GRIA4: variants seen among roughly 807,000 people sequenced by gnomAD.
GRIA4 encodes the protein glutamate receptor 4.
In GRIA4, 34 loss-of-function variants were observed where a neutral mutation model predicts 104.0. The observed-to-expected ratio is 0.33, with a 90% CI of 0.25 to 0.44. The LOEUF (loss-of-function observed/expected upper bound fraction) is 0.44, where lower values mean the gene tolerates loss of function less well. GRIA4 is among the 20% of genes least tolerant of loss of function. The probability of loss-of-function intolerance (pLI) is 1.00; values close to 1 mark genes in which losing one functional copy is unlikely to be tolerated. For missense variants in GRIA4, 750 were observed against 1,096.5 expected (o/e 0.68, Z 4.46); for synonymous variants, 386 against 381.9 (o/e 1.01, Z -0.13).
intron 5 of GRIA4, among the ~76,000 whole-genome samples, chr11:105,882,191 C>T (rs1288373432): frequency 1.3e-5 from 2 of 152,104 alleles, no homozygotes; most frequent in Non-Finnish European, 2.9e-5. Context: ...ATATGTTGTG[C>T]CATTTTCTCC....
At chr11:105,816,336 G>T (rs368669457) in intron 4 of GRIA4, among the ~76,000 whole-genome samples, 205 of 152,290 alleles carry the variant, frequency 1.3e-3, no homozygotes, top group African/African-American at 4.6e-3. Flanking sequence ...ATTGGATCAT[G>T]GGAGTAGATT....
chr11:105,841,163 T>C (rs1352616329), intron 4 of GRIA4, among the ~76,000 whole-genome samples: 1 of 151,898 alleles, frequency 6.6e-6, no homozygotes, highest in Non-Finnish European at 1.5e-5. Flanking sequence ...ATATGTTTCA[T>C]CACTGAAAAA....
rs1302646384 is a variant in GRIA4 at position 105,611,066 on chromosome 11, T to C, written c.69T>C (p.Phe23=). 1 of 1,613,098 alleles carries C rather than the reference T, an allele frequency of 6.2e-7. No individual in the cohort carries two copies. Among genetic ancestry groups the C allele is most frequent in the African/African-American group, 1.3e-5 (1 of 74,838 alleles). Residue 23 remains phenylalanine (F), a synonymous_variant, in exon 2 of 17, where the codon TTT becomes TTC. Transcript: ENST00000282499. ...TTTGGGGACTCGCCATGGGAGCCTT[T>C]CCGAGCAGCGTGCAAATAGGTAAGG... is the stretch of plus-strand genomic sequence containing the variant. ...SGFWGLAMGA[F]PSSVQIGGLF...
intron 3 of GRIA4, 115 bp from the exon 4 acceptor site, chr11:105,752,866 T>C (rs907344254): frequency 1.1e-6 from 1 of 936,796 alleles, no homozygotes; most frequent in Non-Finnish European, 1.6e-6. Flanking sequence ...CTTATACTCC[T>C]GACAGATCCA....
At chr11:105,770,794 T>A (rs2155040) in intron 4 of GRIA4, among the ~76,000 whole-genome samples, 1 of 151,796 alleles carries the variant, frequency 6.6e-6, no homozygotes, top group East Asian at 1.9e-4. Context: ...TAATTCTCTA[T>A]GGATTAGCCT....
Position 105,661,923 on chromosome 11 carries a change from C to T in GRIA4, c.247+49489C>T, listed in dbSNP as rs992693549. 1.3e-5 allele frequency among the ~76,000 whole-genome samples: 2 copies of T among 151,432 alleles called. 1 individual carries two copies. The highest frequency in any genetic ancestry group is 1.3e-4 in the Admixed American group (2 of 15,108). ...TATGAGGAAAGGAAATTTAAAATGA[C>T]TATATTTTTTCCACACAACCACTAA... On this transcript the variant is annotated intron_variant, in intron 3 of 16. Transcript: ENST00000282499.
At chr11:105,879,505 T>A (rs1945967356) in intron 5 of GRIA4, among the ~76,000 whole-genome samples, 1 of 152,186 alleles carries the variant, frequency 6.6e-6, no homozygotes, top group African/African-American at 2.4e-5. Context: ...TACACAAAAA[T>A]AAATCCAAGT....
At chr11:105,797,570 C>G (rs972003911) in intron 4 of GRIA4, among the ~76,000 whole-genome samples, 1 of 152,190 alleles carries the variant, frequency 6.6e-6, no homozygotes, top group African/African-American at 2.4e-5. Context: ...AATTTCACCT[C>G]TAATTCATTC....
At chr11:105,630,907 CCTCT>C (rs1951019954) in intron 3 of GRIA4, among the ~76,000 whole-genome samples, 1 of 152,056 alleles carries the variant, frequency 6.6e-6, no homozygotes, top group Admixed American at 6.6e-5. Flanking sequence ...CTCCATCCTC[CCTCT>C]GAGTTCTTAT....
At chr11:105,898,520 A>T (rs1366599275) in intron 7 of GRIA4, 93 bp downstream of exon 7, 7 of 773,000 alleles carry the variant, frequency 9.1e-6, no homozygotes, top group Non-Finnish European at 1.3e-5. Context: ...CATTTTGCCA[A>T]ACATAGTATG....
chr11:105,695,950 G>T (rs1461872017), intron 3 of GRIA4, among the ~76,000 whole-genome samples: 1 of 152,042 alleles, frequency 6.6e-6, no homozygotes, highest in Non-Finnish European at 1.5e-5. Context: ...GTCTGTAAAA[G>T]GTCCTCATCC....
chr11:105,686,023 G>A (rs1289891527), intron 3 of GRIA4, among the ~76,000 whole-genome samples: 1 of 151,854 alleles, frequency 6.6e-6, no homozygotes, highest in Non-Finnish European at 1.5e-5. Context: ...CTACTATAGA[G>A]GAATGCAATA....
At chr11:105,675,247 G>T (rs1021113881) in intron 3 of GRIA4, among the ~76,000 whole-genome samples, 1 of 151,778 alleles carries the variant, frequency 6.6e-6, no homozygotes, top group Admixed American at 6.6e-5. Flanking sequence ...CTTCGTAAAA[G>T]ACTAACATTT....
intron 4 of GRIA4, among the ~76,000 whole-genome samples, chr11:105,813,943 AG>A (rs1363382016): frequency 1.3e-5 from 2 of 152,218 alleles, no homozygotes; most frequent in Non-Finnish European, 2.9e-5. Flanking sequence ...CCTGTCTTTC[AG>A]GTGATATTTC....
rs903025944 is a variant in GRIA4 at position 105,944,830 on chromosome 11, C to A, written c.2294+10861C>A. On this transcript the variant is annotated intron_variant, in intron 14 of 16. Transcript: ENST00000282499. ...TTCTCTCCAAATTCACAGAATCCTA[C>A]TTAGAGACAAATTAAGAAAAAAAAA... Among the ~76,000 whole-genome samples, 7 of 151,928 alleles carry A rather than the reference C, an allele frequency of 4.6e-5. No individual in the cohort carries two copies. In the East Asian group the frequency reaches 1.4e-3, roughly 29 times the overall value.
At chr11:105,659,445 G>T (rs1037784115) in intron 3 of GRIA4, among the ~76,000 whole-genome samples, 6 of 151,874 alleles carry the variant, frequency 4.0e-5, no homozygotes, top group Admixed American at 6.6e-5. Context: ...ACCTGGAATT[G>T]CCACAGTTAT....
intron 4 of GRIA4, among the ~76,000 whole-genome samples, chr11:105,818,238 A>T (rs1156833427): frequency 6.6e-6 from 1 of 152,084 alleles, no homozygotes; most frequent in Non-Finnish European, 1.5e-5. Flanking sequence ...TGGTTTGAAG[A>T]CTAATGAGCT....
At chr11:105,824,393 T>A (rs895813924) in intron 4 of GRIA4, among the ~76,000 whole-genome samples, 4 of 150,096 alleles carry the variant, frequency 2.7e-5, no homozygotes, top group African/African-American at 9.7e-5. Context: ...TCTGACTTCC[T>A]ACTATGGAAG....
At chr11:105,753,349 T>C (rs1226259957) in intron 4 of GRIA4, 129 bp downstream of exon 4, 4 of 827,268 alleles carry the variant, frequency 4.8e-6, no homozygotes, top group African/African-American at 3.4e-5. Flanking sequence ...GGTTGATGTG[T>C]ATTTTTATCT....
Sources: gnomAD v4.1 joint callset for allele counts (sites outside exome capture counted in the v4.1 genomes callset) on GRCh38, gnomAD v4.1.1 for gene constraint, MANE v1.5 for transcripts, NCBI Gene and HGNC (gene_info 2026-07-23, HGNC 2026-07-21) for gene names.